Variants in CAMSAP1 observed in about 807,000 individuals in gnomAD.
CAMSAP1 encodes calmodulin regulated spectrin associated protein 1.
CAMSAP1 carries 58 observed loss-of-function variants against 143.5 expected under a neutral mutation model. The observed-to-expected ratio is 0.40, with a 90% CI of 0.33 to 0.50. The LOEUF is 0.50. Among genes scored for constraint, CAMSAP1 ranks in the 20% least tolerant of loss-of-function variants. The probability of loss-of-function intolerance (pLI) is 0.45; values close to 1 mark genes in which losing one functional copy is unlikely to be tolerated. For missense variants in CAMSAP1, 1,969 were observed against 2,115.7 expected (o/e 0.93, Z 1.36); for synonymous variants, 945 against 859.3 (o/e 1.10, Z -1.74).
At chr9:135,865,236 A>C (rs1310738095) in intron 4 of CAMSAP1, 4 of 1,244,370 alleles carry the variant, frequency 3.2e-6, no homozygotes, top group Non-Finnish European at 1.1e-6. Context: ...ACAACAACAA[A>C]AAAACAGTTT....
chr9:135,816,877 A>G (rs1008242792), intron 14 of CAMSAP1, among the ~76,000 whole-genome samples: 1 of 152,188 alleles, frequency 6.6e-6, no homozygotes, highest in Admixed American at 6.5e-5. Context: ...CCTGCGGGAC[A>G]GTTCCGTGAG....
chr9:135,857,980 G>T (rs961529042), intron 5 of CAMSAP1, among the ~76,000 whole-genome samples: 2 of 152,150 alleles, frequency 1.3e-5, no homozygotes, highest in Admixed American at 1.3e-4. Context: ...GAGGAGAAAG[G>T]CATCAGAAGC....
chr9:135,860,325 C>T (rs1837137485), intron 5 of CAMSAP1, among the ~76,000 whole-genome samples: 3 of 151,930 alleles, frequency 2.0e-5, no homozygotes, highest in South Asian at 2.1e-4. Context: ...TGGCCAGGCG[C>T]GGTGGCTCAC....
chr9:135,881,153 G>T (rs1381309910), intron 3 of CAMSAP1, among the ~76,000 whole-genome samples: 1 of 151,692 alleles, frequency 6.6e-6, no homozygotes, highest in Non-Finnish European at 1.5e-5. Context: ...GACCAGCCTG[G>T]GCAACACAGT....
In CAMSAP1 at chr9:135,822,978, C is replaced by T. The variant is rs774576267; in HGVS notation, c.1683G>A (p.Arg561=). Residue 561 remains arginine, a synonymous_variant, in exon 11 of 17, where the codon AGG becomes AGA. Transcript: ENST00000389532. The surrounding 1 kb of genome is among the most constrained non-coding windows in gnomAD (Gnocchi z 6.1). ...VPQQADPEFP[R]ASPRALGLTA... is the part of the protein sequence containing the mutation. ...TAAGGCCTAAGGCCCGGGGTGAGGC[C>T]CTGGGGAACTCCGGGTCAGCCTGCT... 2 of 1,613,924 alleles carry T rather than the reference C, an allele frequency of 1.2e-6. No individual in the cohort carries two copies. The highest frequency in any genetic ancestry group is 2.2e-5 in the South Asian group (2 of 91,068).
intron 7 of CAMSAP1, among the ~76,000 whole-genome samples, chr9:135,835,294 A>G (rs1835985641): frequency 6.6e-6 from 1 of 152,152 alleles, no homozygotes; most frequent in African/African-American, 2.4e-5. Flanking sequence ...GGGTACCCAC[A>G]GCAGCACCAG....
intron 7 of CAMSAP1, among the ~76,000 whole-genome samples, chr9:135,846,354 T>C (rs1444567258): frequency 6.6e-6 from 1 of 152,168 alleles, no homozygotes; most frequent in African/African-American, 2.4e-5. Context: ...ATCCCTTCCT[T>C]ACACCTTATA....
intron 1 of CAMSAP1, among the ~76,000 whole-genome samples, chr9:135,896,151 G>A (rs1482369830): frequency 2.6e-5 from 4 of 152,060 alleles, no homozygotes. Flanking sequence ...ATCATTACAT[G>A]CTCTTTACAA....
intron 7 of CAMSAP1, among the ~76,000 whole-genome samples, chr9:135,832,842 C>G (rs1028014114): frequency 2.6e-5 from 4 of 152,110 alleles, no homozygotes; most frequent in African/African-American, 9.7e-5. Context: ...AGTAAAAGAT[C>G]TGTACACTGA....
chr9:135,815,822 T>C (rs955873672), intron 15 of CAMSAP1, 68 bp downstream of exon 15: 3 of 1,264,898 alleles, frequency 2.4e-6, no homozygotes, highest in African/African-American at 3.0e-5. Context: ...AGAACAGATA[T>C]TGAAAGAGCC....
At chr9:135,861,314 T>C (rs1474223067) in intron 5 of CAMSAP1, among the ~76,000 whole-genome samples, 1 of 151,714 alleles carries the variant, frequency 6.6e-6, no homozygotes, top group African/African-American at 2.4e-5. Flanking sequence ...TCTTCCTTTT[T>C]TTTTTTTTTT....
chr9:135,892,703 T>C (rs946071682), intron 1 of CAMSAP1, among the ~76,000 whole-genome samples: 1 of 151,376 alleles, frequency 6.6e-6, no homozygotes, highest in Admixed American at 6.6e-5. Context: ...ACACAAAAAT[T>C]AGCCAGGCAT....
chr9:135,841,058 G>T (rs2131716626), intron 7 of CAMSAP1, among the ~76,000 whole-genome samples: 1 of 152,250 alleles, frequency 6.6e-6, no homozygotes, highest in Admixed American at 6.5e-5. Flanking sequence ...TAGCTCAGTG[G>T]ATCCAACCCC....
chr9:135,899,043 TC>T (rs1306939425), intron 1 of CAMSAP1, among the ~76,000 whole-genome samples: 5 of 152,170 alleles, frequency 3.3e-5, no homozygotes, highest in African/African-American at 7.2e-5. Context: ...AACATGAATT[TC>T]AAAAATACTA....
chr9:135,855,428 C>G (rs1053827466), intron 5 of CAMSAP1, among the ~76,000 whole-genome samples: 11 of 152,092 alleles, frequency 7.2e-5, no homozygotes, highest in Non-Finnish European at 1.6e-4. Context: ...TTGCTGCATG[C>G]CAAAATTTTA....
intron 1 of CAMSAP1, among the ~76,000 whole-genome samples, chr9:135,890,345 G>C (rs370761909): frequency 1.3e-5 from 2 of 152,040 alleles, no homozygotes; most frequent in African/African-American, 4.8e-5. Flanking sequence ...GGCTCTGGCC[G>C]GCCAACTGGG....
chr9:135,889,237 C>T (rs1409670820), intron 1 of CAMSAP1, among the ~76,000 whole-genome samples: 2 of 152,186 alleles, frequency 1.3e-5, no homozygotes, highest in East Asian at 1.9e-4. Flanking sequence ...CCTGCAGTCT[C>T]GACGTAACTG....
chr9:135,820,235 G>T lies in CAMSAP1; in HGVS notation c.3822+604C>A. ...TATCTAAACATTGAAAAACTACCAC[G>T]AAAACATGGTCTTATCATCTTAGGA... On this transcript the variant is annotated intron_variant, in intron 11 of 16. Transcript: ENST00000389532. This position sits in a 1 kb window ranked among gnomAD's most constrained non-coding sequence, Gnocchi z 4.4. Among the ~76,000 whole-genome samples the T allele has an allele frequency of 6.6e-6, 1 of 152,220 alleles. No individual in the cohort carries two copies. Among genetic ancestry groups the T allele is most frequent in the Middle Eastern group, 3.4e-3 (1 of 294 alleles).
At chr9:135,865,301 G>C in intron 4 of CAMSAP1, 1 of 1,549,944 alleles carries the variant, frequency 6.5e-7, no homozygotes, top group Non-Finnish European at 8.7e-7. Context: ...TGGCTCTGTA[G>C]ATGGCAGCTG....
Sources: gnomAD v4.1 joint callset for allele counts (sites outside exome capture counted in the v4.1 genomes callset) on GRCh38, gnomAD v4.1.1 for gene constraint, Gnocchi (gnomAD v3.1) non-coding constraint, MANE v1.5 for transcripts, NCBI Gene and HGNC (gene_info 2026-07-23, HGNC 2026-07-21) for gene names.